Variants in MTMR8 observed in about 807,000 individuals in gnomAD.
MTMR8 encodes the protein myotubularin related protein 8.
Under a neutral mutation model 39.3 loss-of-function variants are expected in MTMR8, and 65 were observed. The observed-to-expected ratio is 1.65, with a 90% CI of 1.35 to 2.03. The LOEUF is 2.03. Ranked by LOEUF, MTMR8 falls within the 30% of genes most tolerant of loss-of-function variation. The probability of loss-of-function intolerance (pLI) is 0.00; values close to 1 mark genes in which losing one functional copy is unlikely to be tolerated. For synonymous variants in MTMR8, 245 were observed against 185.2 expected, an observed-to-expected ratio of 1.32 and a Z score of -2.62; for missense variants, 777 against 538.9, an observed-to-expected ratio of 1.44 and a Z score of -4.37.
intron 12 of MTMR8, among the ~76,000 whole-genome samples, chrX:64,297,357 T>G (rs1415230472): frequency 9.3e-6 from 1 of 107,825 alleles, no homozygotes; most frequent in East Asian, 2.9e-4. Flanking sequence ...TTTCATGTGT[T>G]TTTTGGCGGC....
intron 13 of MTMR8, among the ~76,000 whole-genome samples, chrX:64,270,011 C>T (rs1931723330): frequency 9.0e-6 from 1 of 110,774 alleles, no homozygotes; most frequent in African/African-American, 3.3e-5. Flanking sequence ...AGGGCACCTT[C>T]CCTGGCCTTG....
intron 12 of MTMR8, among the ~76,000 whole-genome samples, chrX:64,292,419 T>C (rs1284753778): frequency 2.7e-5 from 3 of 111,160 alleles, no homozygotes; most frequent in Non-Finnish European, 5.7e-5. Context: ...AGGTGCATGT[T>C]GGACCTCGCT....
rs1392827310 is a variant in MTMR8, at chrX:64,345,075, T to C, written c.835A>G (p.Met279Val). ...AAGAGTTTCTGCAGACTGCTCCGCA[T>C]TACATGGATGTTCTCAATGCCCATG... is the stretch of plus-strand genomic sequence containing the variant. ...RFMGIENIHVMRSSLQKLLEV... is the reference protein window; with the variant it reads ...RFMGIENIHVVRSSLQKLLEV... Residue 279 changes from methionine to valine, a missense_variant, in exon 7 of 14, where the codon ATG (methionine) becomes GTG (valine). Met to Val is a conservative substitution (Grantham distance 21). Transcript: ENST00000374852. 2 of 1,209,903 alleles carry C rather than the reference T, an allele frequency of 1.7e-6. No individual in the cohort carries two copies. The highest frequency in any genetic ancestry group is 2.2e-6 in the Non-Finnish European group (2 of 895,000).
Position 64,354,846 on chromosome X carries a change from T to C in MTMR8, c.399A>G (p.Ile133Met). 8.3e-7 allele frequency: 1 copy of C among 1,206,694 alleles called. No individual in the cohort carries two copies. Among genetic ancestry groups the C allele is most frequent in the Admixed American group, 2.2e-5 (1 of 45,732 alleles). Residue 133 changes from isoleucine to methionine, a missense_variant, in exon 4 of 14, where the codon ATA becomes ATG. Transcript: ENST00000374852. ...RESGWKLIDP[I>M]SDFGRMGIPN... Reference sequence around the variant, plus strand: ...GTATTCCCATACGCCCAAAGTCTGATATTGGGTCAATCAGTTTCCATCCAC... The same window carrying C: ...GTATTCCCATACGCCCAAAGTCTGACATTGGGTCAATCAGTTTCCATCCAC...
At chrX:64,362,226 T>C (rs1469511721) in intron 1 of MTMR8, among the ~76,000 whole-genome samples, 1 of 108,232 alleles carries the variant, frequency 9.2e-6, no homozygotes, top group Non-Finnish European at 1.9e-5. Flanking sequence ...CAACTTAATA[T>C]AATAAAGATG....
intron 12 of MTMR8, among the ~76,000 whole-genome samples, chrX:64,325,554 C>G (rs1426208480): frequency 2.7e-5 from 3 of 111,784 alleles, no homozygotes; most frequent in Non-Finnish European, 5.6e-5. Flanking sequence ...ATGATCATTT[C>G]AATAGATGAA....
At chrX:64,296,374 G>A (rs1294556416) in intron 12 of MTMR8, among the ~76,000 whole-genome samples, 1 of 110,907 alleles carries the variant, frequency 9.0e-6, no homozygotes, top group Non-Finnish European at 1.9e-5. Flanking sequence ...TGATGAAAGA[G>A]TTCTGGAAAT....
intron 5 of MTMR8, 83 bp downstream of exon 5, chrX:64,349,859 A>C: frequency 1.1e-6 from 1 of 869,573 alleles, no homozygotes; most frequent in Admixed American, 3.5e-5. Flanking sequence ...GAGGTCACAC[A>C]GCTACTAAGT....
chrX:64,352,392 C>T (rs1430714052), intron 4 of MTMR8, among the ~76,000 whole-genome samples: 7 of 111,459 alleles, frequency 6.3e-5, no homozygotes, highest in Non-Finnish European at 1.3e-4. Context: ...ATAAGTATGA[C>T]TATACACCGA....
chrX:64,360,317 C>T, intron 1 of MTMR8: 1 of 275,612 alleles, frequency 3.6e-6, no homozygotes, highest in Non-Finnish European at 6.8e-6. Flanking sequence ...ACTAGCAGAA[C>T]TGCAAAGAGA....
At chrX:64,339,135 G>T (rs1157612905) in intron 8 of MTMR8, among the ~76,000 whole-genome samples, 1 of 111,309 alleles carries the variant, frequency 9.0e-6, no homozygotes, top group African/African-American at 3.3e-5. Flanking sequence ...TCTGAATAGA[G>T]ATAGTAGTAT....
chrX:64,287,742 C>G (rs1405498085), intron 12 of MTMR8, among the ~76,000 whole-genome samples: 1 of 108,148 alleles, frequency 9.2e-6, no homozygotes, highest in Non-Finnish European at 1.9e-5. Context: ...ATAAATGGTG[C>G]TGGGAAAACT....
intron 12 of MTMR8, among the ~76,000 whole-genome samples, chrX:64,292,192 G>C (rs1921419915): frequency 8.9e-6 from 1 of 111,812 alleles, no homozygotes; most frequent in Non-Finnish European, 1.9e-5. Flanking sequence ...AAGCACAATT[G>C]GGAGACACTT....
intron 12 of MTMR8, among the ~76,000 whole-genome samples, chrX:64,277,157 G>A (rs774249370): frequency 1.5e-4 from 17 of 111,506 alleles, no homozygotes; most frequent in African/African-American, 5.2e-4. Context: ...TGTGAGATGG[G>A]TCTCCTGAAT....
intron 11 of MTMR8, 129 bp from the exon 12 acceptor site, chrX:64,329,029 GA>G (rs1922876377): frequency 5.4e-6 from 3 of 551,664 alleles, no homozygotes; most frequent in Non-Finnish European, 7.9e-6. Flanking sequence ...GACAGGATAT[GA>G]CAGAAGAAAA....
At chrX:64,313,726 G>A (rs1374880999) in intron 12 of MTMR8, among the ~76,000 whole-genome samples, 1 of 112,449 alleles carries the variant, frequency 8.9e-6, no homozygotes, top group Non-Finnish European at 1.9e-5. Context: ...CTTGAATCCA[G>A]AAGACTGAAA....
At chrX:64,388,771 G>A (rs751035321) in intron 1 of MTMR8, among the ~76,000 whole-genome samples, 1 of 112,396 alleles carries the variant, frequency 8.9e-6, no homozygotes, top group Non-Finnish European at 1.9e-5. Flanking sequence ...GGAACACTGG[G>A]TGAAACAAAC....
chrX:64,283,519 C>T (rs1367045870), intron 12 of MTMR8, among the ~76,000 whole-genome samples: 2 of 112,128 alleles, frequency 1.8e-5, no homozygotes, highest in Non-Finnish European at 3.8e-5. Flanking sequence ...AATGGACAGA[C>T]TGCCTACTCA....
chrX:64,285,103 G>A (rs145771347), intron 12 of MTMR8, among the ~76,000 whole-genome samples: 221 of 111,144 alleles, frequency 2.0e-3, no homozygotes, highest in Non-Finnish European at 3.2e-3. Context: ...ACACACTTAG[G>A]CTCAAAATAA....
Sources: allele counts gnomAD v4.1 joint callset (sites outside exome capture counted in the v4.1 genomes callset), GRCh38; gene constraint gnomAD v4.1.1; transcripts MANE v1.5; gene names NCBI Gene and HGNC (gene_info 2026-07-23, HGNC 2026-07-21).